The following FMN2 variants were observed in gnomAD, a reference collection of about 807,000 sequenced individuals.
FMN2 encodes the protein formin-2.
A neutral mutation model predicts 142.3 loss-of-function variants in FMN2; 51 were observed. The ratio of observed to expected loss-of-function variants is 0.36; its 90% CI spans 0.29 to 0.45. The LOEUF is 0.45. Ranked by LOEUF, FMN2 falls within the 20% of genes least tolerant of loss-of-function variation. The probability of loss-of-function intolerance (pLI) is 1.00; values close to 1 mark genes in which losing one functional copy is unlikely to be tolerated. For synonymous variants in FMN2, 882 were observed against 869.8 expected, an observed-to-expected ratio of 1.01 and a Z score of -0.25; for missense variants, 1,936 against 2,122.8, an observed-to-expected ratio of 0.91 and a Z score of 1.73.
intron 7 of FMN2, among the ~76,000 whole-genome samples, chr1:240,282,300 A>G (rs926131238): frequency 1.3e-5 from 2 of 152,210 alleles, no homozygotes; most frequent in Admixed American, 6.5e-5. Flanking sequence ...TCTAAATCCA[A>G]AACACAAGGT....
At chr1:240,447,067 T>A (rs886121532) in intron 16 of FMN2, among the ~76,000 whole-genome samples, 6 of 152,230 alleles carry the variant, frequency 3.9e-5, no homozygotes, top group Non-Finnish European at 1.5e-5. Flanking sequence ...TATCGATCCC[T>A]ACGGCAGGGT....
At chr1:240,142,706 A>G in intron 2 of FMN2, 1 of 1,611,374 alleles carries the variant, frequency 6.2e-7, no homozygotes, top group South Asian at 1.1e-5. Flanking sequence ...GGATAACAAA[A>G]CTTTCCAGAA....
intron 14 of FMN2, among the ~76,000 whole-genome samples, chr1:240,362,104 C>T (rs899650967): frequency 2.6e-5 from 4 of 152,124 alleles, no homozygotes; most frequent in Non-Finnish European, 4.4e-5. Context: ...CATAAGCAGA[C>T]GCTGATTTTC....
chr1:240,402,212 C>T (rs974395331), intron 15 of FMN2, among the ~76,000 whole-genome samples: 8 of 152,158 alleles, frequency 5.3e-5, no homozygotes, highest in African/African-American at 1.9e-4. Flanking sequence ...TTAGAATTGT[C>T]TTCTATAAAT....
chr1:240,347,502 G>A (rs1558445561), intron 13 of FMN2, among the ~76,000 whole-genome samples: 1 of 152,134 alleles, frequency 6.6e-6, no homozygotes, highest in Non-Finnish European at 1.5e-5. Context: ...AGCTTTCTAT[G>A]AGCCTTGTCG....
intron 8 of FMN2, among the ~76,000 whole-genome samples, chr1:240,327,643 A>G (rs1407247729): frequency 6.6e-6 from 1 of 152,178 alleles, no homozygotes; most frequent in Admixed American, 6.5e-5. Flanking sequence ...CAGGACTACA[A>G]ATAAAAATAA....
rs148613479 is a variant in FMN2 at position 240,427,194 on chromosome 1, G to GT, written c.4911-10857dup. Among the ~76,000 whole-genome samples, 244 of 135,872 alleles carry GT rather than the reference G, an allele frequency of 1.8e-3. 3 individuals carry two copies. In the South Asian group the frequency reaches 0.019, roughly 10 times the overall value. 89.1% of individuals were successfully genotyped at this position (135,872 alleles called of 152,430 possible). On this transcript the variant is annotated intron_variant, in intron 15 of 17. Coordinates refer to ENST00000319653, the MANE Select transcript of FMN2 (RefSeq NM_020066.5). Reference sequence around the variant, plus strand: ...TTTTATATATATATATATATATATGGTTTTTTTTTTGTTTTTGTTTTTGTT... The same window carrying GT: ...TTTTATATATATATATATATATATGGTTTTTTTTTTTGTTTTTGTTTTTGTT...
chr1:240,299,220 T>A (rs1044905783), intron 8 of FMN2, among the ~76,000 whole-genome samples: 1 of 152,200 alleles, frequency 6.6e-6, no homozygotes, highest in Non-Finnish European at 1.5e-5. Flanking sequence ...AGTGCTGGGA[T>A]TACAGGCGTG....
At chr1:240,278,325 T>G (rs1436494648) in intron 7 of FMN2, among the ~76,000 whole-genome samples, 1 of 152,188 alleles carries the variant, frequency 6.6e-6, no homozygotes, top group Non-Finnish European at 1.5e-5. Context: ...AGACATGACG[T>G]GACTCTTCTA....
chr1:240,393,111 C>T (rs572787659), intron 15 of FMN2, among the ~76,000 whole-genome samples: 1 of 152,172 alleles, frequency 6.6e-6, no homozygotes, highest in Admixed American at 6.5e-5. Flanking sequence ...TATAAACACA[C>T]ACACACAGGC....
chr1:240,207,055 C>T lies in FMN2; in HGVS notation c.2243C>T (p.Pro748Leu). 6.2e-7 allele frequency: 1 copy of T among 1,614,136 alleles called. No individual in the cohort carries two copies. Among genetic ancestry groups the T allele is most frequent in the Non-Finnish European group, 8.5e-7 (1 of 1,180,006 alleles). ...ILEAKSIQTS[P>L]TEEGGVLTLP... ...GAGGCGAAATCGATACAGACTTCCC[C>T]CACGGAAGAGGGCGGGGTGCTGACA... is the stretch of plus-strand genomic sequence containing the variant. Residue 748 changes from proline to leucine, a missense_variant, in exon 5 of 18, where the codon CCC (proline) becomes CTC (leucine). Pro to Leu is a moderately conservative substitution (Grantham distance 98). Coordinates refer to ENST00000319653, the MANE Select transcript of FMN2 (RefSeq NM_020066.5).
rs1675420143 is a variant in FMN2 at position 240,437,319 on chromosome 1, A to T, written c.4911-742A>T. The stretch of plus-strand genomic sequence containing the variant: ...TTTTTTTTTTTTTTTTTTGAGACGG[A>T]GTCTGGCTCTGTTGCCCCGGCTGGA... On this transcript the variant is annotated intron_variant, in intron 15 of 17. Transcript: ENST00000319653. Among the ~76,000 whole-genome samples the T allele has an allele frequency of 4.2e-5, 5 of 119,710 alleles. 1 individual carries two copies. In the South Asian group the frequency reaches 1.3e-3, roughly 32 times the overall value. The allele number at this position is 119,710 out of a possible 152,430, so 78.5% of individuals were successfully genotyped here.
chr1:240,279,735 C>T (rs1669334761), intron 7 of FMN2, among the ~76,000 whole-genome samples: 1 of 151,998 alleles, frequency 6.6e-6, no homozygotes, highest in East Asian at 1.9e-4. Context: ...ACTAATTCCT[C>T]ATTCTTCTAG....
chr1:240,228,957 C>G (rs1274435950), intron 6 of FMN2, among the ~76,000 whole-genome samples: 1 of 151,810 alleles, frequency 6.6e-6, no homozygotes, highest in Non-Finnish European at 1.5e-5. Flanking sequence ...TGATTTTTCT[C>G]TTGAGGAGTC....
intron 2 of FMN2, among the ~76,000 whole-genome samples, chr1:240,152,058 A>C (rs1008804854): frequency 6.6e-6 from 1 of 152,126 alleles, no homozygotes; most frequent in African/African-American, 2.4e-5. Flanking sequence ...GGCGTGAACC[A>C]CCATGCCCGG....
intron 6 of FMN2, among the ~76,000 whole-genome samples, chr1:240,211,973 C>A (rs545062140): frequency 6.6e-6 from 1 of 152,068 alleles, no homozygotes; most frequent in Non-Finnish European, 1.5e-5. Flanking sequence ...TAATGGTGCC[C>A]GTCTTTACCC....
chr1:240,301,454 T>C (rs1167432475), intron 8 of FMN2, among the ~76,000 whole-genome samples: 1 of 151,932 alleles, frequency 6.6e-6, no homozygotes, highest in South Asian at 2.1e-4. Flanking sequence ...CTGAAGCTCT[T>C]CCTTTGTTAA....
intron 6 of FMN2, among the ~76,000 whole-genome samples, chr1:240,220,034 T>A (rs10495461): frequency 2.0e-5 from 3 of 152,096 alleles, no homozygotes; most frequent in East Asian, 3.9e-4. Context: ...CTTTGGGACC[T>A]GAAACTGTCT....
intron 15 of FMN2, among the ~76,000 whole-genome samples, chr1:240,399,491 C>T (rs147976956): frequency 1.5e-4 from 23 of 152,262 alleles, no homozygotes; most frequent in African/African-American, 4.6e-4. Flanking sequence ...TGTCCTATTA[C>T]GTCTTATGGG....
Sources: allele counts gnomAD v4.1 joint callset (sites outside exome capture counted in the v4.1 genomes callset), GRCh38; gene constraint gnomAD v4.1.1; transcripts MANE v1.5; gene names NCBI Gene and HGNC (gene_info 2026-07-23, HGNC 2026-07-21).